The following RYR3 variants were observed in gnomAD, a reference collection of about 807,000 sequenced individuals.
RYR3 encodes the protein brain ryanodine receptor-calcium release channel.
Under a neutral mutation model 584.3 loss-of-function variants are expected in RYR3, and 207 were observed. The observed-to-expected ratio is 0.35, with a 90% CI of 0.32 to 0.40. The LOEUF is 0.40. RYR3 is among the 10% of genes least tolerant of loss of function. RYR3 has a pLI of 1.00. For missense variants in RYR3, 5,616 were observed against 6,089.2 expected (o/e 0.92, Z 2.59); for synonymous variants, 2,416 against 2,248.5 (o/e 1.07, Z -2.11).
chr15:33,852,020 CA>C (rs891164435), intron 94 of RYR3: 1 of 148,924 alleles, frequency 6.7e-6, no homozygotes, highest in Admixed American at 6.7e-5. Context: ...AAAAAAAAAA[CA>C]TTTTTTTTTA....
chr15:33,699,163 G>C (rs1231997359), intron 40 of RYR3, among the ~76,000 whole-genome samples: 1 of 151,980 alleles, frequency 6.6e-6, no homozygotes, highest in Non-Finnish European at 1.5e-5. Context: ...CCTTGACCCA[G>C]GGCACTTGGG....
In RYR3 at chr15:33,826,246, T is replaced by G; in HGVS notation, c.11147-6T>G. On this transcript the variant is annotated splice_polypyrimidine_tract_variant and splice_region_variant and intron_variant, in intron 82 of 103. Transcript: ENST00000634891. ...TTCTATTCTTCTGTTTTTCTCTCAT[T>G]ACCAGTCATTGTTCGGGAACGTGGT... 1 of 1,613,672 alleles carries G rather than the reference T, an allele frequency of 6.2e-7. No individual in the cohort carries two copies. Among genetic ancestry groups the G allele is most frequent in the Non-Finnish European group, 8.5e-7 (1 of 1,179,572 alleles).
At chr15:33,622,571 C>CAT (rs1036339477) in intron 19 of RYR3, among the ~76,000 whole-genome samples, 1 of 152,200 alleles carries the variant, frequency 6.6e-6, no homozygotes, top group Non-Finnish European at 1.5e-5. Context: ...CCAGGGATGC[C>CAT]ATATACCTTG....
intron 38 of RYR3, among the ~76,000 whole-genome samples, chr15:33,694,398 T>A (rs11634983): frequency 2.0e-5 from 3 of 150,932 alleles, no homozygotes; most frequent in Non-Finnish European, 4.5e-5. Flanking sequence ...GCGCCCTCCA[T>A]CACGCCCGGT....
At chr15:33,845,180 G>A (rs554550668) in intron 93 of RYR3, 118 bp downstream of exon 93, 69 of 916,634 alleles carry the variant, frequency 7.5e-5, no homozygotes, top group African/African-American at 7.5e-4. Context: ...CGTAAGGTCC[G>A]TAGAGCAGCA....
intron 1 of RYR3, among the ~76,000 whole-genome samples, chr15:33,386,946 C>T (rs1285125838): frequency 6.6e-6 from 1 of 152,048 alleles, no homozygotes; most frequent in African/African-American, 2.4e-5. Context: ...CAAGCTCCGC[C>T]TCCCAGGTTC....
intron 27 of RYR3, among the ~76,000 whole-genome samples, chr15:33,643,553 CGAG>C (rs1184447305): frequency 1.3e-5 from 2 of 151,800 alleles, no homozygotes; most frequent in Non-Finnish European, 2.9e-5. Flanking sequence ...CCTGAGTAGG[CGAG>C]GAGGAGAGTG....
At chr15:33,648,034 C>T (rs2062208709) in intron 30 of RYR3, among the ~76,000 whole-genome samples, 2 of 147,906 alleles carry the variant, frequency 1.4e-5, no homozygotes, top group African/African-American at 2.5e-5. Context: ...TGTGTGTCAA[C>T]CCTTCTGTAA....
At chr15:33,459,991 C>T (rs28484793) in intron 1 of RYR3, among the ~76,000 whole-genome samples, 3,338 of 152,302 alleles carry the variant, frequency 0.022, 58 homozygotes, top group Non-Finnish European at 0.028. Context: ...AACTGTATCT[C>T]ATATGCTTCT....
intron 64 of RYR3, among the ~76,000 whole-genome samples, chr15:33,778,665 C>T (rs914445497): frequency 3.3e-5 from 5 of 152,252 alleles, no homozygotes; most frequent in Non-Finnish European, 7.3e-5. Flanking sequence ...ATATCACCTG[C>T]GTCTCAGCAG....
At chr15:33,737,103 T>C (rs934567334) in intron 49 of RYR3, among the ~76,000 whole-genome samples, 3 of 152,120 alleles carry the variant, frequency 2.0e-5, no homozygotes, top group Non-Finnish European at 2.9e-5. Context: ...CTTTTATTAT[T>C]ATTTTTTTGA....
Position 33,729,007 on chromosome 15 carries a change from C to A in RYR3, c.7184C>A (p.Ala2395Asp), listed in dbSNP as rs1567041343. The A allele has an allele frequency of 6.2e-7, 1 of 1,613,802 alleles. No homozygotes were observed. Among genetic ancestry groups the A allele is most frequent in the East Asian group, 2.2e-5 (1 of 44,888 alleles). Residue 2395 changes from alanine (A) to aspartate (D), a missense_variant, in exon 47 of 104, where the codon GCT (alanine) becomes GAT (aspartate). By Grantham distance (126) the Ala-to-Asp change is moderately radical. Coordinates refer to ENST00000634891, the MANE Select transcript of RYR3 (RefSeq NM_001036.6). ...GTTGGATTTTTACCTGACCTAAGAG[C>A]TTCTGCCTCTCTAGATACAGTAAGT... ...LEVGFLPDLR[A>D]SASLDTVSLS...
intron 1 of RYR3, among the ~76,000 whole-genome samples, chr15:33,461,424 C>T (rs1031808256): frequency 6.6e-6 from 1 of 152,126 alleles, no homozygotes; most frequent in Non-Finnish European, 1.5e-5. Flanking sequence ...GGTTTTGATT[C>T]TTTTAGTAGA....
chr15:33,605,538 G>A (rs2059863351), intron 18 of RYR3, among the ~76,000 whole-genome samples: 1 of 152,166 alleles, frequency 6.6e-6, no homozygotes, highest in Admixed American at 6.5e-5. Context: ...TGGCATGTAG[G>A]TGCACTCCAG....
At chr15:33,701,778 A>G (rs1380749913) in intron 42 of RYR3, among the ~76,000 whole-genome samples, 1 of 152,084 alleles carries the variant, frequency 6.6e-6, no homozygotes, top group African/African-American at 2.4e-5. Context: ...TCACTCAGAA[A>G]CAGTCATGAC....
intron 1 of RYR3, among the ~76,000 whole-genome samples, chr15:33,452,795 C>T (rs183340805): frequency 6.6e-6 from 1 of 152,270 alleles, no homozygotes; most frequent in East Asian, 1.9e-4. Context: ...TGGTAGTTTT[C>T]CCTACCCTGC....
intron 1 of RYR3, among the ~76,000 whole-genome samples, chr15:33,404,413 C>G (rs1413139032): frequency 6.6e-6 from 1 of 152,142 alleles, no homozygotes; most frequent in Non-Finnish European, 1.5e-5. Flanking sequence ...TGGCTGTGAC[C>G]GTGAGACCAA....
chr15:33,401,286 C>T (rs1426789224), intron 1 of RYR3, among the ~76,000 whole-genome samples: 1 of 152,242 alleles, frequency 6.6e-6, no homozygotes, highest in Non-Finnish European at 1.5e-5. Flanking sequence ...GCACTTTTAA[C>T]TTCTCACAGC....
At chr15:33,367,477 C>A (rs565569566) in intron 1 of RYR3, among the ~76,000 whole-genome samples, 2 of 152,130 alleles carry the variant, frequency 1.3e-5, no homozygotes, top group Non-Finnish European at 2.9e-5. Flanking sequence ...ATGTGAACAA[C>A]GGGGCTTTCT....
Sources: allele counts gnomAD v4.1 joint callset (sites outside exome capture counted in the v4.1 genomes callset), GRCh38; gene constraint gnomAD v4.1.1; transcripts MANE v1.5; gene names NCBI Gene and HGNC (gene_info 2026-07-23, HGNC 2026-07-21).